ITGB3BP: variants seen among roughly 807,000 people sequenced by gnomAD.
The protein encoded by ITGB3BP is centromere protein R.
ITGB3BP carries 27 observed loss-of-function variants against 29.1 expected under a neutral mutation model. The observed-to-expected ratio is 0.93, with a 90% CI of 0.68 to 1.28. ITGB3BP has a LOEUF of 1.28. ITGB3BP is among the 50% of genes most tolerant of loss of function. The pLI, the probability that ITGB3BP is intolerant of heterozygous loss-of-function variation, is 0.00. For synonymous variants in ITGB3BP, 61 were observed against 61.4 expected, an observed-to-expected ratio of 0.99 and a Z score of 0.03; for missense variants, 192 against 200.2, an observed-to-expected ratio of 0.96 and a Z score of 0.25.
intron 1 of ITGB3BP, among the ~76,000 whole-genome samples, chr1:63,518,188 C>T (rs1009825527): frequency 6.6e-5 from 10 of 152,100 alleles, no homozygotes; most frequent in African/African-American, 2.4e-4. Context: ...CCTCCTATTC[C>T]TAGTTTGCTG....
chr1:63,527,668 G>C (rs2100862542), upstream of ITGB3BP, among the ~76,000 whole-genome samples: 1 of 152,260 alleles, frequency 6.6e-6, no homozygotes, highest in African/African-American at 2.4e-5. Context: ...TCTAAACCTA[G>C]AGATTAAAGT....
intron 2 of ITGB3BP, among the ~76,000 whole-genome samples, chr1:63,490,773 T>TC (rs1570246116): frequency 6.6e-6 from 1 of 152,346 alleles, no homozygotes; most frequent in East Asian, 1.9e-4. Flanking sequence ...AGCAGCTTCC[T>TC]CCTTTGTGTT....
chr1:63,441,687 C>T (rs1043404359), intron 8 of ITGB3BP, among the ~76,000 whole-genome samples: 1 of 152,198 alleles, frequency 6.6e-6, no homozygotes, highest in African/African-American at 2.4e-5. Flanking sequence ...AACTTATTTA[C>T]ATGCCTTTGT....
rs77424380 is a variant in ITGB3BP at position 63,512,763 on chromosome 1, A to G, written c.6-4193T>C. 6.3e-3 allele frequency among the ~76,000 whole-genome samples: 960 copies of G among 152,286 alleles called. 6 individuals are homozygous for G. Among genetic ancestry groups the G allele is most frequent in the African/African-American group, 0.022 (919 of 41,558 alleles). On this transcript the variant is annotated intron_variant, in intron 1 of 8. Coordinates refer to ENST00000271002, the MANE Select transcript of ITGB3BP (RefSeq NM_014288.5). ...TCAGTGCTTCCATTTACTCCACACT[A>G]TAATAGAGATGATAATATTGCCAGC...
intron 4 of ITGB3BP, among the ~76,000 whole-genome samples, chr1:63,461,955 T>C (rs1645024983): frequency 6.6e-6 from 1 of 152,230 alleles, no homozygotes; most frequent in African/African-American, 2.4e-5. Flanking sequence ...GGGTCTCCTG[T>C]AGCTTCATAT....
intron 8 of ITGB3BP, among the ~76,000 whole-genome samples, chr1:63,445,747 A>G (rs907235490): frequency 7.2e-5 from 11 of 151,794 alleles, no homozygotes; most frequent in African/African-American, 2.2e-4. Context: ...GACATGCGCC[A>G]CCATACCCAG....
At chr1:63,510,756 T>G (rs1472950561) in intron 1 of ITGB3BP, among the ~76,000 whole-genome samples, 3 of 152,116 alleles carry the variant, frequency 2.0e-5, no homozygotes, top group Admixed American at 2.0e-4. Flanking sequence ...TTTATGGAAT[T>G]GAGGGGAAGG....
chr1:63,451,928 A>T (rs1228809555), intron 7 of ITGB3BP: 1 of 152,116 alleles, frequency 6.6e-6, no homozygotes, highest in East Asian at 1.9e-4. Context: ...TATGTATTAT[A>T]TATTTTTTAA....
intron 4 of ITGB3BP, among the ~76,000 whole-genome samples, chr1:63,474,917 AAAAC>A (rs1184042306): frequency 6.5e-5 from 1 of 15,418 alleles, no homozygotes; most frequent in African/African-American, 7.0e-5. Flanking sequence ...AAATAAAATA[AAAAC>A]AAAACAAAAC....
At chr1:63,521,332 A>G (rs1417747765) in intron 1 of ITGB3BP, among the ~76,000 whole-genome samples, 4 of 152,176 alleles carry the variant, frequency 2.6e-5, no homozygotes, top group African/African-American at 9.6e-5. Context: ...CGTTTTATGC[A>G]TTACTTAACT....
chr1:63,502,957 A>C (rs1473856021), intron 2 of ITGB3BP, among the ~76,000 whole-genome samples: 1 of 152,142 alleles, frequency 6.6e-6, no homozygotes, highest in Non-Finnish European at 1.5e-5. Context: ...TATTGTGAAT[A>C]GTGCTGCAAT....
intron 1 of ITGB3BP, among the ~76,000 whole-genome samples, chr1:63,518,956 C>G (rs975378184): frequency 6.6e-6 from 1 of 152,078 alleles, no homozygotes; most frequent in African/African-American, 2.4e-5. Flanking sequence ...TAATACAGTA[C>G]TACTTCATGT....
At chr1:63,495,319 A>T (rs1645760359) in intron 2 of ITGB3BP, among the ~76,000 whole-genome samples, 1 of 152,234 alleles carries the variant, frequency 6.6e-6, no homozygotes, top group African/African-American at 2.4e-5. Context: ...GCTAAAGATA[A>T]TATAAAAATA....
At chr1:63,526,482 A>G (rs993329204), upstream of ITGB3BP, among the ~76,000 whole-genome samples, 2 of 152,180 alleles carry the variant, frequency 1.3e-5, no homozygotes, top group African/African-American at 4.8e-5. Flanking sequence ...TTAAACCAAA[A>G]CCCTGACATA....
intron 3 of ITGB3BP, among the ~76,000 whole-genome samples, chr1:63,484,027 ATTT>A (rs1163033208): frequency 6.6e-6 from 1 of 152,142 alleles, no homozygotes; most frequent in Admixed American, 6.5e-5. Flanking sequence ...CTGTATATGC[ATTT>A]GTAAGTACAG....
intron 2 of ITGB3BP, among the ~76,000 whole-genome samples, chr1:63,493,414 C>CA (rs59206263): frequency 1.4e-5 from 2 of 144,140 alleles, no homozygotes; most frequent in East Asian, 4.1e-4. Context: ...GATTCTGTCT[C>CA]AAAAAACAAA....
chr1:63,527,611 C>T (rs144761700), upstream of ITGB3BP, among the ~76,000 whole-genome samples: 3 of 152,206 alleles, frequency 2.0e-5, no homozygotes, highest in South Asian at 2.1e-4. Flanking sequence ...TCTACAGCTA[C>T]GTGATATTTT....
intron 1 of ITGB3BP, among the ~76,000 whole-genome samples, chr1:63,509,509 T>C (rs754366774): frequency 2.0e-5 from 3 of 152,196 alleles, no homozygotes; most frequent in Non-Finnish European, 2.9e-5. Flanking sequence ...AAAGTTTGTA[T>C]TGATCTTAGA....
intron 3 of ITGB3BP, among the ~76,000 whole-genome samples, chr1:63,484,203 A>G (rs1423802217): frequency 6.6e-6 from 1 of 152,158 alleles, no homozygotes; most frequent in Non-Finnish European, 1.5e-5. Flanking sequence ...TTTCCATAGC[A>G]CTTACATTGT....
Sources: allele counts gnomAD v4.1 joint callset (sites outside exome capture counted in the v4.1 genomes callset), GRCh38; gene constraint gnomAD v4.1.1; transcripts MANE v1.5; gene names NCBI Gene and HGNC (gene_info 2026-07-23, HGNC 2026-07-21).